Variants in HDAC1 observed in about 807,000 individuals in gnomAD.
HDAC1 encodes histone deacetylase 1.
Under a neutral mutation model 65.5 loss-of-function variants are expected in HDAC1, and 18 were observed. That is an observed-to-expected ratio of 0.27 (90% CI 0.19 to 0.41). HDAC1 has a LOEUF of 0.41. Among genes scored for constraint, HDAC1 ranks in the 10% least tolerant of loss-of-function variants. HDAC1 has a pLI of 1.00. For synonymous variants in HDAC1, 211 were observed against 227.9 expected (o/e 0.93, Z 0.67); for missense variants, 373 against 625.2 (o/e 0.60, Z 4.30).
At chr1:32,324,956 A>C (rs1170907223) in intron 4 of HDAC1, among the ~76,000 whole-genome samples, 1 of 151,650 alleles carries the variant, frequency 6.6e-6, no homozygotes. Context: ...ACAAAGCAAG[A>C]CCCTGCCTCC....
chr1:32,328,210 A>C (rs1189152838), intron 6 of HDAC1, among the ~76,000 whole-genome samples: 1 of 152,204 alleles, frequency 6.6e-6, no homozygotes, highest in Non-Finnish European at 1.5e-5. Context: ...TATTAGCATG[A>C]ATGTGGTGAA....
At chr1:32,293,949 T>G (rs1640732422) in intron 1 of HDAC1, among the ~76,000 whole-genome samples, 1 of 150,184 alleles carries the variant, frequency 6.7e-6, no homozygotes, top group African/African-American at 2.5e-5. Flanking sequence ...ATGCCTGTAG[T>G]CCCAGCTACT....
intron 1 of HDAC1, among the ~76,000 whole-genome samples, chr1:32,301,039 A>G (rs1640840145): frequency 6.6e-6 from 1 of 152,078 alleles, no homozygotes. Context: ...TCCAGTCTAG[A>G]GCAAAGAGAG....
rs568672912 is a variant in HDAC1, at chr1:32,298,528, C to T, written c.50-4093C>T. Among the ~76,000 whole-genome samples the T allele has an allele frequency of 1.9e-4, 29 of 152,230 alleles. No individual in the cohort carries two copies. In the South Asian group the frequency reaches 5.8e-3, roughly 30 times the overall value. On this transcript the variant is annotated intron_variant, in intron 1 of 13. Transcript: ENST00000373548. ...ACTAGGCCCAGCCGGGAATAGACTTCTTACTTGAGAAACTGAGTTTTGCAG... is the reference window on the plus strand; with the variant it reads ...ACTAGGCCCAGCCGGGAATAGACTTTTTACTTGAGAAACTGAGTTTTGCAG...
chr1:32,332,047 G>A (rs2148073536), intron 11 of HDAC1, 43 bp from the exon 12 acceptor site: 1 of 1,514,948 alleles, frequency 6.6e-7, no homozygotes, highest in Non-Finnish European at 8.8e-7. Context: ...AGCTAAATCA[G>A]CACCCGCCTG....
At chr1:32,314,095 C>T (rs1641026112) in intron 2 of HDAC1, among the ~76,000 whole-genome samples, 1 of 152,204 alleles carries the variant, frequency 6.6e-6, no homozygotes. Context: ...AGAAGGTTCT[C>T]CTTGCAATTT....
At chr1:32,325,810 G>A (rs1325772056) in intron 4 of HDAC1, among the ~76,000 whole-genome samples, 7 of 152,150 alleles carry the variant, frequency 4.6e-5, no homozygotes, top group Non-Finnish European at 1.0e-4. Flanking sequence ...TGGATCACCT[G>A]AGGTCAGGAG....
intron 2 of HDAC1, among the ~76,000 whole-genome samples, chr1:32,310,228 A>T (rs1277409407): frequency 6.6e-6 from 1 of 152,170 alleles, no homozygotes; most frequent in East Asian, 1.9e-4. Flanking sequence ...ACTGGCGCTT[A>T]TGAGTGATTT....
In HDAC1 at chr1:32,329,001, A is replaced by C; in HGVS notation, c.637-67A>C. On this transcript the variant is annotated intron_variant, in intron 6 of 13. Transcript: ENST00000373548. The surrounding 1 kb of genome is among the most constrained non-coding windows in gnomAD (Gnocchi z 4.1). ...CTTGAACCTCTTCCTTTATCCCTCCAGCCCCTATCCTTGACCTTCCTTCAA... is the reference window on the plus strand; with the variant it reads ...CTTGAACCTCTTCCTTTATCCCTCCCGCCCCTATCCTTGACCTTCCTTCAA... 1 of 946,522 alleles carries C rather than the reference A, an allele frequency of 1.1e-6. No homozygotes were observed. Among genetic ancestry groups the C allele is most frequent in the South Asian group, 1.3e-5 (1 of 77,794 alleles). The allele number at this position is 946,522 out of a possible 1,614,324, so 58.6% of individuals were successfully genotyped here. A position where few individuals can be genotyped will look rare whatever the true frequency, so the allele number is the denominator to read the frequency against.
chr1:32,328,665 C>A (rs1253977793), intron 6 of HDAC1, among the ~76,000 whole-genome samples: 1 of 152,160 alleles, frequency 6.6e-6, no homozygotes, highest in Non-Finnish European at 1.5e-5. Flanking sequence ...CCACAACACC[C>A]TAGAGAGGGA....
rs1481627281 is a variant in HDAC1, at chr1:32,327,743, C to G, written c.636+66C>G. The G allele has an allele frequency of 6.8e-7, 1 of 1,479,470 alleles. No individual in the cohort carries two copies. 91.6% of individuals were successfully genotyped at this position (1,479,470 alleles called of 1,614,324 possible). A position where few individuals can be genotyped will look rare whatever the true frequency, so the allele number is the denominator to read the frequency against. ...TGGCAGCTCTACTTCTCTCTCCTAT[C>G]TCATGCCACTAAAAATTGCTTCTTG... On this transcript the variant is annotated intron_variant, in intron 6 of 13. Coordinates refer to ENST00000373548, the MANE Select transcript of HDAC1 (RefSeq NM_004964.3). This position sits in a 1 kb window ranked among gnomAD's most constrained non-coding sequence, Gnocchi z 6.0.
intron 2 of HDAC1, among the ~76,000 whole-genome samples, chr1:32,304,131 ACT>A (rs1323407278): frequency 6.6e-6 from 1 of 152,218 alleles, no homozygotes; most frequent in Non-Finnish European, 1.5e-5. Flanking sequence ...ATGTTGCCTT[ACT>A]ACATAAGAAT....
intron 1 of HDAC1, 140 bp downstream of exon 1, chr1:32,292,358 A>C: frequency 6.7e-7 from 1 of 1,496,340 alleles, no homozygotes; most frequent in Non-Finnish European, 8.9e-7. Flanking sequence ...GCGAGGGGGA[A>C]GTCGAGGCTG....
chr1:32,316,150 G>C lies in HDAC1; in HGVS notation c.163-515G>C, dbSNP rs1419119127. 6.6e-5 allele frequency among the ~76,000 whole-genome samples: 10 copies of C among 152,166 alleles called. 1 individual carries two copies. The South Asian group carries it at 1.5e-3, about 22-fold the overall frequency. On this transcript the variant is annotated intron_variant, in intron 2 of 13. Coordinates refer to ENST00000373548, the MANE Select transcript of HDAC1 (RefSeq NM_004964.3). ...ACAAAAAAAATTAGCCGGGCGTGGT[G>C]GTGGGCGTCTGTAGTCCCAGCTACT...
intron 6 of HDAC1, among the ~76,000 whole-genome samples, chr1:32,328,603 A>G (rs1399529935): frequency 6.6e-6 from 1 of 151,810 alleles, no homozygotes; most frequent in Non-Finnish European, 1.5e-5. Context: ...AAATAGGCGC[A>G]CTCACTATTT....
At position 32,316,679 on chromosome 1, in the gene HDAC1, C is replaced by G. The variant is rs752491074; in HGVS notation, c.177C>G (p.Ala59=). The change falls in exon 3 of 14, where the codon GCC becomes GCG. Residue 59 remains alanine, a synonymous_variant. Transcript: ENST00000373548. ...CTGCCCTCTAGCGCCCTCACAAAGCCAATGCTGAGGAGATGACCAAGTACC... is the reference window on the plus strand; with the variant it reads ...CTGCCCTCTAGCGCCCTCACAAAGCGAATGCTGAGGAGATGACCAAGTACC... ...RKMEIYRPHK[A]NAEEMTKYHS... is the part of the protein sequence containing the mutation. 45 of 1,612,302 alleles carry G rather than the reference C, an allele frequency of 2.8e-5. 1 individual carries two copies. In the South Asian group the frequency reaches 4.5e-4, roughly 16 times the overall value.
intron 1 of HDAC1, among the ~76,000 whole-genome samples, chr1:32,297,039 G>C (rs1442927369): frequency 6.6e-6 from 1 of 152,172 alleles, no homozygotes; most frequent in African/African-American, 2.4e-5. Flanking sequence ...CTTTTCCTGA[G>C]GGTGGGGTAG....
chr1:32,317,058 G>A (rs1424383198), intron 3 of HDAC1, among the ~76,000 whole-genome samples: 4 of 152,146 alleles, frequency 2.6e-5, no homozygotes, highest in African/African-American at 9.7e-5. Context: ...CCTGGGACGG[G>A]GAGACAATAG....
At position 32,327,295 on chromosome 1, in the gene HDAC1, G is replaced by T; in HGVS notation, c.494+218G>T. ...AGATGCTGCTCAGATCCTGCCTCCAGAGTGTCCCTGTGTGGCTGGAGTTGA... is the reference window on the plus strand; with the variant it reads ...AGATGCTGCTCAGATCCTGCCTCCATAGTGTCCCTGTGTGGCTGGAGTTGA... On this transcript the variant is annotated intron_variant, in intron 5 of 13. Transcript: ENST00000373548. The surrounding 1 kb of genome is among the most constrained non-coding windows in gnomAD (Gnocchi z 6.0). 2 of 618,362 alleles carry T rather than the reference G, an allele frequency of 3.2e-6. No homozygotes were observed. Among genetic ancestry groups the T allele is most frequent in the Non-Finnish European group, 5.7e-6 (2 of 351,584 alleles). The allele number at this position is 618,362 out of a possible 1,614,324, so 38.3% of individuals were successfully genotyped here. A position where few individuals can be genotyped will look rare whatever the true frequency, so the allele number is the denominator to read the frequency against.
Sources: gnomAD v4.1 joint callset for allele counts (sites outside exome capture counted in the v4.1 genomes callset) on GRCh38, gnomAD v4.1.1 for gene constraint, Gnocchi (gnomAD v3.1) non-coding constraint, MANE v1.5 for transcripts, NCBI Gene and HGNC (gene_info 2026-07-23, HGNC 2026-07-21) for gene names.